WWOX: variants seen among roughly 807,000 people sequenced by gnomAD.
The protein encoded by WWOX is WW domain containing oxidoreductase.
A neutral mutation model predicts 46.2 loss-of-function variants in WWOX; 69 were observed. The ratio of observed to expected loss-of-function variants is 1.49; its 90% CI spans 1.23 to 1.82. The LOEUF is 1.82. WWOX is among the 40% of genes most tolerant of loss of function. WWOX has a pLI of 0.00. For synonymous variants in WWOX, 359 were observed against 202.6 expected (o/e 1.77, Z -6.56); for missense variants, 919 against 542.6 (o/e 1.69, Z -6.89).
chr16:78,764,720 AC>A (rs1246373859), intron 8 of WWOX, among the ~76,000 whole-genome samples: 2 of 150,404 alleles, frequency 1.3e-5, no homozygotes, highest in African/African-American at 4.9e-5. Flanking sequence ...CAATTCTAGT[AC>A]CTCCTTCCTA....
At chr16:78,547,155 A>AAAAAAAAC in intron 8 of WWOX, among the ~76,000 whole-genome samples, 1 of 130,632 alleles carries the variant, frequency 7.7e-6, no homozygotes, top group African/African-American at 2.6e-5. Context: ...AAAAAAAAAA[A>AAAAAAAAC]AAAACAACTA....
intron 8 of WWOX, among the ~76,000 whole-genome samples, chr16:78,460,170 C>T (rs370047664): frequency 4.0e-5 from 6 of 151,544 alleles, no homozygotes; most frequent in African/African-American, 1.2e-4. Flanking sequence ...CTCTTTTCCC[C>T]AGGCTGGAGT....
At chr16:78,545,104 C>G (rs936011675) in intron 8 of WWOX, among the ~76,000 whole-genome samples, 1 of 152,226 alleles carries the variant, frequency 6.6e-6, no homozygotes, top group Non-Finnish European at 1.5e-5. Context: ...TTTAGTGATT[C>G]TCTAAGTACA....
chr16:79,043,510 C>T (rs919255852), intron 8 of WWOX, among the ~76,000 whole-genome samples: 2 of 152,148 alleles, frequency 1.3e-5, no homozygotes, highest in Admixed American at 6.5e-5. Flanking sequence ...CAGGGGTAGA[C>T]GTGAGTTCAG....
chr16:79,169,513 C>T (rs1334195362), intron 8 of WWOX, among the ~76,000 whole-genome samples: 2 of 152,176 alleles, frequency 1.3e-5, no homozygotes, highest in East Asian at 1.9e-4. Context: ...TCCTTTCAGC[C>T]ACCTCCTGGC....
intron 8 of WWOX, among the ~76,000 whole-genome samples, chr16:78,809,601 A>C (rs150092852): frequency 2.6e-5 from 4 of 151,938 alleles, no homozygotes; most frequent in African/African-American, 9.7e-5. Flanking sequence ...CCCTCCTCCT[A>C]TCAGTTTTTC....
chr16:78,396,770 G>A (rs113058545), intron 6 of WWOX, among the ~76,000 whole-genome samples: 41 of 152,310 alleles, frequency 2.7e-4, no homozygotes, highest in African/African-American at 9.6e-4. Context: ...AACCATTCAA[G>A]CATTGTTGAA....
chr16:78,879,812 G>A (rs2044306412), intron 8 of WWOX, among the ~76,000 whole-genome samples: 1 of 151,968 alleles, frequency 6.6e-6, no homozygotes, highest in Non-Finnish European at 1.5e-5. Flanking sequence ...GGGAGGCAGA[G>A]GTTGCCGTGA....
Position 79,081,803 on chromosome 16 carries a change from C to T in WWOX, c.1057-129805C>T, listed in dbSNP as rs145484082. Among the ~76,000 whole-genome samples the T allele has an allele frequency of 2.4e-4, 37 of 152,224 alleles. No individual in the cohort carries two copies. The East Asian group carries it at 7.0e-3, about 29-fold the overall frequency. On this transcript the variant is annotated intron_variant, in intron 8 of 8. Coordinates refer to ENST00000566780, the MANE Select transcript of WWOX (RefSeq NM_016373.4). ...CTGCCTGGCTGCCTCTGGTCTCCAG[C>T]AGAAGACCTGTCGTGCTTGAGTGAC...
chr16:79,036,532 A>C (rs1354385863), intron 8 of WWOX, among the ~76,000 whole-genome samples: 1 of 152,204 alleles, frequency 6.6e-6, no homozygotes, highest in Admixed American at 6.5e-5. Flanking sequence ...TGCCAGAGTC[A>C]GGGCTTTCCT....
chr16:78,829,547 A>G (rs765510417), intron 8 of WWOX, among the ~76,000 whole-genome samples: 11 of 152,044 alleles, frequency 7.2e-5, no homozygotes, highest in Non-Finnish European at 1.6e-4. Context: ...TCAAGTTGAC[A>G]CCTACAATTT....
intron 8 of WWOX, among the ~76,000 whole-genome samples, chr16:78,954,332 ATGGATGGT>A (rs1243958808): frequency 2.6e-5 from 4 of 151,908 alleles, no homozygotes; most frequent in African/African-American, 9.7e-5. Context: ...GGATGGAGGG[ATGGATGGT>A]TGGATGGTTG....
chr16:78,102,161 C>T (rs1053208917), intron 1 of WWOX, among the ~76,000 whole-genome samples: 1 of 152,138 alleles, frequency 6.6e-6, no homozygotes, highest in Non-Finnish European at 1.5e-5. Context: ...CTCAAGCCAG[C>T]CTCCCTCCCG....
At chr16:79,072,537 C>G (rs1167132859) in intron 8 of WWOX, among the ~76,000 whole-genome samples, 1 of 152,190 alleles carries the variant, frequency 6.6e-6, no homozygotes, top group African/African-American at 2.4e-5. Flanking sequence ...TCTCATTAAT[C>G]TGTATTCATT....
At chr16:78,879,080 A>T (rs2044290219) in intron 8 of WWOX, among the ~76,000 whole-genome samples, 1 of 152,034 alleles carries the variant, frequency 6.6e-6, no homozygotes, top group Admixed American at 6.6e-5. Context: ...AAGGGAGGGA[A>T]GGAGGAATTT....
At chr16:78,296,663 A>T (rs2079948557) in intron 5 of WWOX, among the ~76,000 whole-genome samples, 1 of 152,142 alleles carries the variant, frequency 6.6e-6, no homozygotes, top group Non-Finnish European at 1.5e-5. Context: ...AAAAAAAATC[A>T]ACATTTGCAA....
intron 8 of WWOX, chr16:79,106,581 A>ATTTT (rs2049311552): frequency 1.7e-5 from 2 of 116,496 alleles, no homozygotes; most frequent in Middle Eastern, 3.9e-3. Context: ...TTCTTAAAAT[A>ATTTT]ATTTTTTTTT....
chr16:78,717,469 T>C (rs2048590240), intron 8 of WWOX, among the ~76,000 whole-genome samples: 1 of 152,214 alleles, frequency 6.6e-6, no homozygotes, highest in Non-Finnish European at 1.5e-5. Flanking sequence ...GGTGCTTGGC[T>C]TTTGGTAGGT....
chr16:78,308,582 G>T (rs1020349833), intron 5 of WWOX, among the ~76,000 whole-genome samples: 1 of 152,128 alleles, frequency 6.6e-6, no homozygotes, highest in Non-Finnish European at 1.5e-5. Context: ...GGTATATTTC[G>T]AAATGGCCCT....
Sources: allele counts gnomAD v4.1 joint callset (sites outside exome capture counted in the v4.1 genomes callset), GRCh38; gene constraint gnomAD v4.1.1; transcripts MANE v1.5; gene names NCBI Gene and HGNC (gene_info 2026-07-23, HGNC 2026-07-21).